INTS13: variants seen among roughly 807,000 people sequenced by gnomAD.
INTS13 encodes integrator complex subunit 13.
Under a neutral mutation model 90.2 loss-of-function variants are expected in INTS13, and 35 were observed. That is an observed-to-expected ratio of 0.39 (90% CI 0.30 to 0.51). INTS13 has a LOEUF of 0.51. Ranked by LOEUF, INTS13 falls within the 20% of genes least tolerant of loss-of-function variation. The pLI is 0.80. For synonymous variants in INTS13, 309 were observed against 277.1 expected, an observed-to-expected ratio of 1.11 and a Z score of -1.14; for missense variants, 601 against 851.2, an observed-to-expected ratio of 0.71 and a Z score of 3.66.
At chr12:26,936,176 G>T (rs1938447784) in intron 2 of INTS13, among the ~76,000 whole-genome samples, 1 of 152,150 alleles carries the variant, frequency 6.6e-6, no homozygotes, top group African/African-American at 2.4e-5. Context: ...CAACAGGGAA[G>T]CAACAAACAA....
chr12:26,922,807 C>A, intron 7 of INTS13, 107 bp from the exon 8 acceptor site: 1 of 587,498 alleles, frequency 1.7e-6, no homozygotes, highest in Non-Finnish European at 2.8e-6. Context: ...CAAATACATT[C>A]AATAATAATT....
At chr12:26,917,615 G>C (rs780259468) in intron 9 of INTS13, 29 bp downstream of exon 9, 4 of 1,569,834 alleles carry the variant, frequency 2.5e-6, no homozygotes, top group Admixed American at 1.7e-5. Context: ...TTTTGATTTC[G>C]TCTTTTTCAG....
chr12:26,918,022 T>A (rs1951992650), intron 8 of INTS13, among the ~76,000 whole-genome samples: 1 of 152,008 alleles, frequency 6.6e-6, no homozygotes, highest in Non-Finnish European at 1.5e-5. Flanking sequence ...TTCGGGAGGC[T>A]GAGACAGAAG....
Position 26,928,219 on chromosome 12 carries a change from A to T in INTS13, c.570T>A (p.Ala190=). 1 of 1,606,840 alleles carries T rather than the reference A, an allele frequency of 6.2e-7. No individual in the cohort carries two copies. Among genetic ancestry groups the T allele is most frequent in the African/African-American group, 1.3e-5 (1 of 74,958 alleles). ...ATTATACTCACTGATCTGAATTTGCAGCAAGCTTGTTATGTTCATGAATCG... is the reference window on the plus strand; with the variant it reads ...ATTATACTCACTGATCTGAATTTGCTGCAAGCTTGTTATGTTCATGAATCG... ...QETIHEHNKL[A]ANSDHLMQIQ... is the part of the protein sequence containing the mutation. Residue 190 remains alanine, a synonymous_variant, in exon 5 of 17, where the codon GCT becomes GCA. Coordinates refer to ENST00000261191, the MANE Select transcript of INTS13 (RefSeq NM_018164.3).
At chr12:26,920,145 T>C (rs1165356605) in intron 8 of INTS13, among the ~76,000 whole-genome samples, 1 of 148,062 alleles carries the variant, frequency 6.8e-6, no homozygotes, top group Admixed American at 6.7e-5. Context: ...AAAAAAGATC[T>C]GGAACTTAGG....
chr12:26,913,891 T>G (rs1951860774), intron 13 of INTS13, 83 bp downstream of exon 13: 2 of 1,316,744 alleles, frequency 1.5e-6, no homozygotes, highest in Non-Finnish European at 2.1e-6. Flanking sequence ...CAAATAGAAT[T>G]TACATATGGA....
At chr12:26,918,690 G>A (rs929198138) in intron 8 of INTS13, among the ~76,000 whole-genome samples, 1 of 152,136 alleles carries the variant, frequency 6.6e-6, no homozygotes, top group Non-Finnish European at 1.5e-5. Context: ...AAGTAAATAC[G>A]TAAGAAGATA....
At chr12:26,906,069 T>C (rs913297718) in intron 16 of INTS13, among the ~76,000 whole-genome samples, 3 of 152,210 alleles carry the variant, frequency 2.0e-5, no homozygotes, top group Admixed American at 1.3e-4. Flanking sequence ...TAATGTTTAT[T>C]AAGCATTAAA....
intron 3 of INTS13, 24 bp downstream of exon 3, chr12:26,934,532 C>T (rs1023950586): frequency 1.8e-5 from 27 of 1,524,232 alleles, no homozygotes; most frequent in Non-Finnish European, 2.1e-5. Flanking sequence ...TTACAAATGG[C>T]CACAGCTCAA....
At chr12:26,918,185 T>C (rs1381458415) in intron 8 of INTS13, among the ~76,000 whole-genome samples, 1 of 152,070 alleles carries the variant, frequency 6.6e-6, no homozygotes, top group Non-Finnish European at 1.5e-5. Flanking sequence ...AAACTGGGTA[T>C]GGAGTAACCG....
intron 10 of INTS13, 79 bp from the exon 11 acceptor site, chr12:26,916,259 T>G: frequency 1.6e-6 from 2 of 1,262,228 alleles, no homozygotes; most frequent in Non-Finnish European, 2.1e-6. Context: ...TATGTCTAGA[T>G]TTTTTCATTT....
At chr12:26,937,162 C>G (rs980242826) in intron 1 of INTS13, among the ~76,000 whole-genome samples, 2 of 152,178 alleles carry the variant, frequency 1.3e-5, no homozygotes, top group African/African-American at 4.8e-5. Context: ...GACAAAGACT[C>G]TTGAAATACA....
In INTS13 at chr12:26,936,827, A is replaced by G; in HGVS notation, c.-11-13T>C. On this transcript the variant is annotated splice_polypyrimidine_tract_variant and intron_variant, in intron 1 of 16. Coordinates refer to ENST00000261191, the MANE Select transcript of INTS13 (RefSeq NM_018164.3). ...ATTTTGTTTTAACCTGTAAGGGGAAAAACATATTAGCCAAATATTTGTACA... is the reference window on the plus strand; with the variant it reads ...ATTTTGTTTTAACCTGTAAGGGGAAGAACATATTAGCCAAATATTTGTACA... The G allele has an allele frequency of 6.5e-7, 1 of 1,536,950 alleles. No individual in the cohort carries two copies. The highest frequency in any genetic ancestry group is 9.0e-7 in the Non-Finnish European group (1 of 1,112,256).
intron 3 of INTS13, among the ~76,000 whole-genome samples, chr12:26,931,728 G>A (rs1216418975): frequency 1.3e-5 from 2 of 152,106 alleles, no homozygotes; most frequent in African/African-American, 4.8e-5. Context: ...AACCTAACTA[G>A]TTGAGCATGA....
chr12:26,929,146 A>G (rs994393686), intron 3 of INTS13: 3 of 366,188 alleles, frequency 8.2e-6, no homozygotes, highest in African/African-American at 2.1e-5. Flanking sequence ...AATACATCAT[A>G]TATCAATAAA....
intron 8 of INTS13, among the ~76,000 whole-genome samples, chr12:26,919,913 G>C (rs766738497): frequency 6.6e-6 from 1 of 152,032 alleles, no homozygotes; most frequent in Non-Finnish European, 1.5e-5. Context: ...CGGATCACGA[G>C]GTCAGGAGAT....
chr12:26,907,302 G>GT lies in INTS13; in HGVS notation c.1946-866_1946-865insA, dbSNP rs552959219. Among the ~76,000 whole-genome samples the GT allele has an allele frequency of 2.9e-3, 131 of 45,526 alleles. 1 individual carries two copies. The highest frequency in any genetic ancestry group is 0.02 in the African/African-American group (125 of 6,282). The allele number at this position is 45,526 out of a possible 152,430, so 29.9% of individuals were successfully genotyped here. On this transcript the variant is annotated intron_variant, in intron 15 of 16. Coordinates refer to ENST00000261191, the MANE Select transcript of INTS13 (RefSeq NM_018164.3). ...GAATATAAAAGAGAATCCAGAAGCA[G>GT]ATCCCACATACATAGTCAACTAATT...
At chr12:26,928,640 G>C in intron 4 of INTS13, 63 bp downstream of exon 4, 1 of 1,548,120 alleles carries the variant, frequency 6.5e-7, no homozygotes, top group Non-Finnish European at 8.9e-7. Flanking sequence ...CTACTATTCT[G>C]AAAAACTACA....
In INTS13 at chr12:26,925,258, T is replaced by C. The variant is rs1243452877; in HGVS notation, c.675+503A>G. Among the ~76,000 whole-genome samples, 3 of 152,178 alleles carry C rather than the reference T, an allele frequency of 2.0e-5. No individual in the cohort carries two copies. The East Asian group carries it at 5.8e-4, about 29-fold the overall frequency. On this transcript the variant is annotated intron_variant, in intron 6 of 16. Transcript: ENST00000261191. ...ATATATCTATATTTCTAAACATAAA[T>C]TACTGATAGAGAATATTATGATGTG...
Sources: allele counts gnomAD v4.1 joint callset (sites outside exome capture counted in the v4.1 genomes callset), GRCh38; gene constraint gnomAD v4.1.1; transcripts MANE v1.5; gene names NCBI Gene and HGNC (gene_info 2026-07-23, HGNC 2026-07-21).